Variants in DHX29 observed in about 807,000 individuals in gnomAD.
The protein encoded by DHX29 is ATP-dependent RNA helicase DHX29.
DHX29 carries 79 observed loss-of-function variants against 167.9 expected under a neutral mutation model. That is an observed-to-expected ratio of 0.47 (90% CI 0.39 to 0.57). DHX29 has a LOEUF of 0.57. DHX29 is among the 20% of genes least tolerant of loss of function. DHX29 has a pLI of 0.00. For synonymous variants in DHX29, 530 were observed against 546.0 expected (o/e 0.97, Z 0.41); for missense variants, 1,347 against 1,593.4 (o/e 0.85, Z 2.63).
intron 1 of DHX29, among the ~76,000 whole-genome samples, chr5:55,306,481 C>G (rs538653620): frequency 6.6e-6 from 1 of 152,058 alleles, no homozygotes; most frequent in African/African-American, 2.4e-5. Context: ...ACTGTCTTCC[C>G]TGGCTTTTCT....
At chr5:55,267,896 A>G in intron 21 of DHX29, 74 bp from the exon 22 acceptor site, 1 of 1,176,666 alleles carries the variant, frequency 8.5e-7, no homozygotes, top group Non-Finnish European at 1.1e-6. Flanking sequence ...TTATAAAAGA[A>G]AGCAAATCAT....
In DHX29 at chr5:55,307,594, T is replaced by C; in HGVS notation, c.-21A>G. Reference sequence around the variant, plus strand: ...CCCATGTTGCAGCTGTGGCAGAAGATCCTTCGCGGCCCAGGCCCCGACGGT... The same window carrying C: ...CCCATGTTGCAGCTGTGGCAGAAGACCCTTCGCGGCCCAGGCCCCGACGGT... On this transcript the variant is annotated 5_prime_UTR_variant, in exon 1 of 27. Transcript: ENST00000251636. The C allele has an allele frequency of 1.2e-6, 2 of 1,612,022 alleles. No homozygotes were observed. Among genetic ancestry groups the C allele is most frequent in the South Asian group, 1.1e-5 (1 of 90,998 alleles).
At chr5:55,275,065 G>A (rs1278595417) in intron 14 of DHX29, 55 bp from the exon 15 acceptor site, 2 of 1,573,032 alleles carry the variant, frequency 1.3e-6, no homozygotes, top group African/African-American at 2.8e-5. Context: ...ATTTTTGTAA[G>A]ACAAAGAAGG....
chr5:55,288,221 C>A (rs1325479869), intron 8 of DHX29, among the ~76,000 whole-genome samples: 2 of 151,438 alleles, frequency 1.3e-5, no homozygotes, highest in Non-Finnish European at 3.0e-5. Context: ...CCAGCCTGGG[C>A]AACAAGAGTG....
At chr5:55,267,848 A>C in intron 21 of DHX29, 26 bp from the exon 22 acceptor site, 1 of 1,565,348 alleles carries the variant, frequency 6.4e-7, no homozygotes, top group Non-Finnish European at 8.7e-7. Flanking sequence ...AAATGACAAA[A>C]CAATTTATCA....
At chr5:55,291,074 T>C (rs989778174) in intron 6 of DHX29, among the ~76,000 whole-genome samples, 9 of 152,168 alleles carry the variant, frequency 5.9e-5, no homozygotes, top group African/African-American at 2.2e-4. Context: ...GTAATAATAA[T>C]ACTCATCTGA....
Position 55,267,811 on chromosome 5 carries a change from A to C in DHX29, c.3306T>G (p.Ala1102=), listed in dbSNP as rs1328984295. Residue 1102 remains alanine, a synonymous_variant, in exon 22 of 27, where the codon GCT becomes GCG. Coordinates refer to ENST00000251636, the MANE Select transcript of DHX29 (RefSeq NM_019030.4). ...AAGGAGACTTCTCTGTCATAACTGC[A>C]GCTAGTGTTGCCTATCCATAAATCA... ...FGCLDPVATL[A]AVMTEKSPFT... is the part of the protein sequence containing the mutation. 1 of 1,596,180 alleles carries C rather than the reference A, an allele frequency of 6.3e-7. No individual in the cohort carries two copies. Among genetic ancestry groups the C allele is most frequent in the South Asian group, 1.1e-5 (1 of 87,846 alleles).
intron 14 of DHX29, among the ~76,000 whole-genome samples, chr5:55,275,346 G>A (rs908407824): frequency 6.6e-6 from 1 of 152,130 alleles, no homozygotes; most frequent in African/African-American, 2.4e-5. Context: ...GGCCAAGAGA[G>A]GTCATAACGT....
chr5:55,292,699 T>C (rs1179932033), intron 6 of DHX29, among the ~76,000 whole-genome samples: 1 of 152,112 alleles, frequency 6.6e-6, no homozygotes, highest in East Asian at 1.9e-4. Flanking sequence ...ATACATCTTA[T>C]CTCTATATAT....
intron 12 of DHX29, among the ~76,000 whole-genome samples, chr5:55,278,831 G>A (rs191500339): frequency 2.0e-4 from 30 of 152,272 alleles, no homozygotes; most frequent in South Asian, 2.1e-4. Context: ...TTCAGAAACC[G>A]GAGAAACAAA....
chr5:55,296,362 A>T lies in DHX29; in HGVS notation c.376-13T>A. 1.2e-6 allele frequency: 2 copies of T among 1,603,870 alleles called. No homozygotes were observed. Among genetic ancestry groups the T allele is most frequent in the Non-Finnish European group, 1.7e-6 (2 of 1,175,456 alleles). On this transcript the variant is annotated splice_polypyrimidine_tract_variant and intron_variant, in intron 3 of 26. Transcript: ENST00000251636. ...CCATGTATAAATCCTATGACAAGCA[A>T]ATATAAAAAAAGTCACATTTGTCAA...
chr5:55,277,446 C>T (rs1203181499), intron 12 of DHX29, among the ~76,000 whole-genome samples, 164 bp from the exon 13 acceptor site: 1 of 152,038 alleles, frequency 6.6e-6, no homozygotes, highest in East Asian at 1.9e-4. Flanking sequence ...TAAGACAGAT[C>T]TTCAGAACTG....
intron 1 of DHX29, among the ~76,000 whole-genome samples, chr5:55,304,350 C>T (rs976558061): frequency 1.3e-4 from 18 of 138,510 alleles, no homozygotes; most frequent in Non-Finnish European, 2.3e-4. Flanking sequence ...GTCTTGCTGT[C>T]ACCCAGGCTG....
At chr5:55,272,252 G>A (rs912896985) in intron 17 of DHX29, 77 bp from the exon 18 acceptor site, 17 of 912,884 alleles carry the variant, frequency 1.9e-5, no homozygotes, top group Non-Finnish European at 2.8e-5. Flanking sequence ...TTTAGTTTGA[G>A]CTGATGAAAT....
At chr5:55,263,077 G>A in intron 23 of DHX29, 145 bp from the exon 24 acceptor site, 6 of 631,900 alleles carry the variant, frequency 9.5e-6, no homozygotes, top group South Asian at 4.5e-5. Flanking sequence ...ATTACCTTAG[G>A]GAAAAAAAAA....
At chr5:55,270,274 G>T in intron 20 of DHX29, 138 bp downstream of exon 20, 1 of 943,926 alleles carries the variant, frequency 1.1e-6, no homozygotes, top group African/African-American at 1.7e-5. Context: ...CTTATAATAA[G>T]ATGGATAAGG....
intron 23 of DHX29, among the ~76,000 whole-genome samples, chr5:55,263,557 G>T (rs182558524): frequency 1.3e-5 from 2 of 151,698 alleles, no homozygotes; most frequent in Admixed American, 1.3e-4. Flanking sequence ...TTTAAGTTTG[G>T]GGCTTAAGGG....
chr5:55,286,053 G>C (rs1366913390), intron 8 of DHX29, among the ~76,000 whole-genome samples, 192 bp from the exon 9 acceptor site: 3 of 152,080 alleles, frequency 2.0e-5, no homozygotes, highest in African/African-American at 7.2e-5. Flanking sequence ...AGGAGATCGA[G>C]ACCATCCTGG....
Position 55,274,764 on chromosome 5 carries a change from T to G in DHX29, c.2573-33A>C, listed in dbSNP as rs1334198409. The G allele has an allele frequency of 1.9e-6, 3 of 1,566,012 alleles. No homozygotes were observed. In the Admixed American group the frequency reaches 6.1e-5, roughly 32 times the overall value. On this transcript the variant is annotated intron_variant, in intron 15 of 26. Coordinates refer to ENST00000251636, the MANE Select transcript of DHX29 (RefSeq NM_019030.4). ...TTTTAAAAAGATACAATATTCAAAA[T>G]AAGAAGATAAGGAACAGCATATAAA...
Sources: gnomAD v4.1 joint callset for allele counts (sites outside exome capture counted in the v4.1 genomes callset) on GRCh38, gnomAD v4.1.1 for gene constraint, MANE v1.5 for transcripts, NCBI Gene and HGNC (gene_info 2026-07-23, HGNC 2026-07-21) for gene names.